Variants in ADGRV1 observed in about 807,000 individuals in gnomAD.
ADGRV1 encodes G-protein coupled receptor 98.
In ADGRV1, 359 loss-of-function variants were observed where a neutral mutation model predicts 596.2. The observed-to-expected ratio is 0.60, with a 90% confidence interval of 0.55 to 0.66. The LOEUF (loss-of-function observed/expected upper bound fraction) is 0.66, where lower values mean the gene tolerates loss of function less well. Among genes scored for constraint, ADGRV1 ranks in the 30% least tolerant of loss-of-function variants. The pLI, the probability that ADGRV1 is intolerant of heterozygous loss-of-function variation, is 0.00. For synonymous variants in ADGRV1, 2,681 were observed against 2,679.2 expected (o/e 1.00, Z -0.02); for missense variants, 7,274 against 7,575.6 (o/e 0.96, Z 1.48).
chr5:90,892,346 G>A (rs868574730), intron 83 of ADGRV1, among the ~76,000 whole-genome samples: 9 of 152,070 alleles, frequency 5.9e-5, no homozygotes, highest in Non-Finnish European at 1.2e-4. Context: ...TTGATATGAA[G>A]ATAGAATAAT....
chr5:90,614,324 T>C, intron 1 of ADGRV1: 1 of 300,674 alleles, frequency 3.3e-6, no homozygotes, highest in Admixed American at 4.9e-5. Flanking sequence ...GATTAGAATT[T>C]CTTTGCAATA....
At chr5:90,673,216 T>C (rs1241307456) in intron 22 of ADGRV1, among the ~76,000 whole-genome samples, 1 of 152,200 alleles carries the variant, frequency 6.6e-6, no homozygotes, top group Non-Finnish European at 1.5e-5. Flanking sequence ...TCTAAAATAC[T>C]GTTCCTGAGC....
chr5:91,147,034 A>C (rs1795595231), intron 87 of ADGRV1, among the ~76,000 whole-genome samples: 1 of 152,092 alleles, frequency 6.6e-6, no homozygotes, highest in Non-Finnish European at 1.5e-5. Flanking sequence ...AAACATGGTG[A>C]AACACGCCTG....
chr5:90,579,799 G>A (rs1441966685), intron 1 of ADGRV1, among the ~76,000 whole-genome samples: 1 of 152,176 alleles, frequency 6.6e-6, no homozygotes, highest in South Asian at 2.1e-4. Context: ...CCTGTATTGG[G>A]TGCAGATATA....
At chr5:90,970,505 G>A (rs10079045) in intron 84 of ADGRV1, among the ~76,000 whole-genome samples, 71,053 of 146,988 alleles carry the variant, frequency 0.48, 18,660 homozygotes, top group East Asian at 0.68. Context: ...TCACATGGCC[G>A]GGTACCCCTG....
chr5:90,854,346 A>G, intron 81 of ADGRV1, 145 bp downstream of exon 81: 2 of 589,030 alleles, frequency 3.4e-6, no homozygotes, highest in Non-Finnish European at 5.8e-6. Flanking sequence ...AAGAGGAAGC[A>G]GCATAGGAAA....
intron 21 of ADGRV1, among the ~76,000 whole-genome samples, chr5:90,660,808 A>C (rs1175086934): frequency 6.6e-6 from 1 of 152,214 alleles, no homozygotes; most frequent in African/African-American, 2.4e-5. Context: ...AGTAATATTA[A>C]GGTTAAAATG....
At chr5:91,021,187 C>G (rs761240919) in intron 85 of ADGRV1, among the ~76,000 whole-genome samples, 1 of 152,048 alleles carries the variant, frequency 6.6e-6, no homozygotes, top group Non-Finnish European at 1.5e-5. Flanking sequence ...AATATTTTAT[C>G]TAACCTCATT....
chr5:91,056,882 CT>C (rs1271443662), intron 85 of ADGRV1, among the ~76,000 whole-genome samples: 9 of 152,298 alleles, frequency 5.9e-5, no homozygotes, highest in South Asian at 2.1e-4. Flanking sequence ...CTCGAATTTA[CT>C]TTTTGTCTAA....
intron 21 of ADGRV1, among the ~76,000 whole-genome samples, chr5:90,668,345 A>AGTATTCT (rs913883900): frequency 6.6e-6 from 1 of 152,112 alleles, no homozygotes; most frequent in African/African-American, 2.4e-5. Context: ...GGAAAAGTGC[A>AGTATTCT]GTATTCTGGT....
intron 1 of ADGRV1, among the ~76,000 whole-genome samples, chr5:90,610,194 T>G (rs192871588): frequency 6.6e-6 from 1 of 152,108 alleles, no homozygotes; most frequent in Non-Finnish European, 1.5e-5. Flanking sequence ...TAAACAGGAT[T>G]TAGAATTTAT....
intron 21 of ADGRV1, among the ~76,000 whole-genome samples, chr5:90,670,001 T>C (rs1772212920): frequency 6.6e-6 from 1 of 152,248 alleles, no homozygotes; most frequent in African/African-American, 2.4e-5. Context: ...TGTATAATTA[T>C]ATATTTATCC....
At chr5:91,154,152 T>A (rs1796278827) in intron 89 of ADGRV1, among the ~76,000 whole-genome samples, 1 of 152,150 alleles carries the variant, frequency 6.6e-6, no homozygotes, top group Non-Finnish European at 1.5e-5. Flanking sequence ...CTAATTTGAG[T>A]TTTCAAATCA....
At chr5:91,031,113 A>T in intron 85 of ADGRV1, 1 of 1,380,882 alleles carries the variant, frequency 7.2e-7, no homozygotes, top group East Asian at 2.3e-5. Flanking sequence ...CAGCTCTTGT[A>T]CACAAGTAAA....
At chr5:90,772,819 A>G (rs758484593) in intron 59 of ADGRV1, among the ~76,000 whole-genome samples, 2 of 152,214 alleles carry the variant, frequency 1.3e-5, no homozygotes, top group African/African-American at 2.4e-5. Flanking sequence ...CCATTGTCAG[A>G]TAAATCTTGC....
At chr5:90,660,901 T>C (rs1399632325) in intron 21 of ADGRV1, among the ~76,000 whole-genome samples, 1 of 152,094 alleles carries the variant, frequency 6.6e-6, no homozygotes, top group Admixed American at 6.5e-5. Flanking sequence ...AAAGAGAAGG[T>C]AATTATTCTG....
At position 90,778,941 on chromosome 5, in the gene ADGRV1, C is replaced by A. The variant is rs1393866737; in HGVS notation, c.12926C>A (p.Ala4309Glu). Reference protein sequence around the residue: ...RLWYKTMSGTAEAGLDFVPAA... With the variant: ...RLWYKTMSGTEEAGLDFVPAA... Reference sequence around the variant, plus strand: ...TGGTACAAGACGATGAGCGGGACAGCGGAAGCAGGCTTGGATTTTGTTCCT... The same window carrying A: ...TGGTACAAGACGATGAGCGGGACAGAGGAAGCAGGCTTGGATTTTGTTCCT... Residue 4309 changes from alanine to glutamate, a missense_variant, in exon 64 of 90, where the codon GCG becomes GAG. Physicochemically the swap from Ala to Glu is moderately radical, Grantham distance 107 (BLOSUM62 -1). Coordinates refer to ENST00000405460, the MANE Select transcript of ADGRV1 (RefSeq NM_032119.4). The A allele has an allele frequency of 3.1e-6, 5 of 1,613,324 alleles. No individual in the cohort carries two copies. Among genetic ancestry groups the A allele is most frequent in the South Asian group, 1.1e-5 (1 of 91,064 alleles).
intron 6 of ADGRV1, 59 bp from the exon 7 acceptor site, chr5:90,627,147 CTTTAG>C (rs1764870120): frequency 5.8e-6 from 5 of 859,298 alleles, no homozygotes; most frequent in Non-Finnish European, 8.7e-6. Flanking sequence ...ACTTGTTACA[CTTTAG>C]TTTATTTGCA....
intron 11 of ADGRV1, 81 bp from the exon 12 acceptor site, chr5:90,642,555 T>C: frequency 1.4e-6 from 2 of 1,455,118 alleles, no homozygotes; most frequent in Non-Finnish European, 1.9e-6. Context: ...GGAAGAGTTG[T>C]AAATATTGCC....
Sources: allele counts gnomAD v4.1 joint callset (sites outside exome capture counted in the v4.1 genomes callset), GRCh38; gene constraint gnomAD v4.1.1; transcripts MANE v1.5; gene names NCBI Gene and HGNC (gene_info 2026-07-23, HGNC 2026-07-21).